The following AKAP13 variants were observed in gnomAD, a reference collection of about 807,000 sequenced individuals.
AKAP13 encodes the protein A-kinase anchor protein 13.
In AKAP13, 80 loss-of-function variants were observed where a neutral mutation model predicts 264.5. The observed-to-expected ratio is 0.30, with a 90% confidence interval of 0.25 to 0.36. The LOEUF (loss-of-function observed/expected upper bound fraction) is 0.36. AKAP13 is among the 10% of genes least tolerant of loss of function. AKAP13 has a pLI of 1.00. For missense variants in AKAP13, 3,712 were observed against 3,435.2 expected, an observed-to-expected ratio of 1.08 and a Z score of -2.01; for synonymous variants, 1,380 against 1,250.2, an observed-to-expected ratio of 1.10 and a Z score of -2.19.
chr15:85,697,035 C>T (rs972587167), intron 17 of AKAP13, among the ~76,000 whole-genome samples: 1 of 152,144 alleles, frequency 6.6e-6, no homozygotes, highest in African/African-American at 2.4e-5. Flanking sequence ...GGCTAAGAAA[C>T]TTTCACAAGA....
intron 8 of AKAP13, among the ~76,000 whole-genome samples, chr15:85,632,684 G>T (rs1170145418): frequency 6.6e-6 from 1 of 152,104 alleles, no homozygotes; most frequent in Non-Finnish European, 1.5e-5. Context: ...AGTAGTATGT[G>T]TTTATTGTAT....
rs566674329 is a variant in AKAP13 at position 85,506,113 on chromosome 15, A to G, written c.34-15315A>G. Among the ~76,000 whole-genome samples, 7 of 152,298 alleles carry G rather than the reference A, an allele frequency of 4.6e-5. No individual in the cohort carries two copies. The East Asian group carries it at 7.7e-4, about 17-fold the overall frequency. ...GGAGTTCAAGACCAGTCTGGCCAAC[A>G]TGGTGAAACTCCGTCTCTACTAATA... is the stretch of plus-strand genomic sequence containing the variant. On this transcript the variant is annotated intron_variant, in intron 2 of 36. Transcript: ENST00000394518.
intron 8 of AKAP13, among the ~76,000 whole-genome samples, chr15:85,627,887 T>C (rs140716843): frequency 5.9e-5 from 9 of 152,338 alleles, no homozygotes; most frequent in African/African-American, 2.2e-4. Flanking sequence ...TTTTTTCGTA[T>C]AGCTAGAATT....
intron 1 of AKAP13, among the ~76,000 whole-genome samples, chr15:85,461,686 T>A (rs905611958): frequency 6.6e-6 from 1 of 152,124 alleles, no homozygotes; most frequent in African/African-American, 2.4e-5. Flanking sequence ...TTTCTGCTCC[T>A]ATTTTCTTTA....
intron 5 of AKAP13, among the ~76,000 whole-genome samples, chr15:85,558,926 C>A (rs967631851): frequency 6.6e-6 from 1 of 151,938 alleles, no homozygotes; most frequent in Non-Finnish European, 1.5e-5. Context: ...GTACTCCTCC[C>A]TTCCCTTTCC....
intron 1 of AKAP13, among the ~76,000 whole-genome samples, chr15:85,383,618 G>T (rs2070402799): frequency 1.3e-5 from 2 of 152,232 alleles, no homozygotes; most frequent in Non-Finnish European, 2.9e-5. Context: ...AAAGGTGCCA[G>T]ATGAACTGAA....
At chr15:85,449,506 G>C (rs985217352) in intron 1 of AKAP13, among the ~76,000 whole-genome samples, 1 of 152,062 alleles carries the variant, frequency 6.6e-6, no homozygotes, top group African/African-American at 2.4e-5. Flanking sequence ...GTCTTGTACC[G>C]GTTTTCAAGG....
intron 2 of AKAP13, among the ~76,000 whole-genome samples, chr15:85,495,290 A>G (rs1380793769): frequency 6.6e-6 from 1 of 152,032 alleles, no homozygotes; most frequent in Non-Finnish European, 1.5e-5. Context: ...CTGGTTTCCA[A>G]CATGTTTCGG....
chr15:85,745,000 T>C lies in AKAP13; in HGVS notation c.*323T>C, dbSNP rs1416807449. 4.0e-6 allele frequency: 1 copy of C among 247,192 alleles called. No individual in the cohort carries two copies. Among genetic ancestry groups the C allele is most frequent in the Non-Finnish European group, 7.8e-6 (1 of 128,096 alleles). 15.3% of individuals were successfully genotyped at this position (247,192 alleles called of 1,614,324 possible). On this transcript the variant is annotated 3_prime_UTR_variant, in exon 37 of 37. Transcript: ENST00000394518. ...GGACACGTCAGGAATTCCTAAAGGC[T>C]GAAAGAGTGTATCCAAGTAAGGTCT... is the stretch of plus-strand genomic sequence containing the variant.
intron 19 of AKAP13, among the ~76,000 whole-genome samples, chr15:85,710,983 A>G (rs1675223274): frequency 6.6e-6 from 1 of 151,572 alleles, no homozygotes; most frequent in Non-Finnish European, 1.5e-5. Context: ...ACAATCATAC[A>G]AATCAAATGA....
chr15:85,524,419 C>T (rs2076944878), intron 3 of AKAP13, among the ~76,000 whole-genome samples: 1 of 151,958 alleles, frequency 6.6e-6, no homozygotes, highest in East Asian at 1.9e-4. Context: ...CGTGATCTGC[C>T]CACCTCGGCC....
chr15:85,569,800 G>A (rs1306323540), intron 5 of AKAP13, among the ~76,000 whole-genome samples: 2 of 152,110 alleles, frequency 1.3e-5, no homozygotes, highest in African/African-American at 4.8e-5. Context: ...CCACTGGGCC[G>A]GGTGTGGTGG....
intron 1 of AKAP13, among the ~76,000 whole-genome samples, chr15:85,483,056 G>A (rs1469763889): frequency 1.3e-5 from 2 of 152,144 alleles, no homozygotes; most frequent in Non-Finnish European, 2.9e-5. Flanking sequence ...TTATAATTCC[G>A]AACAGTTCAG....
At chr15:85,529,327 A>G (rs2077178280) in intron 3 of AKAP13, among the ~76,000 whole-genome samples, 1 of 152,258 alleles carries the variant, frequency 6.6e-6, no homozygotes, top group Admixed American at 6.5e-5. Context: ...AGGCTGAGGC[A>G]GAAGAATGGT....
At chr15:85,519,340 C>G (rs566440989) in intron 2 of AKAP13, among the ~76,000 whole-genome samples, 2 of 152,232 alleles carry the variant, frequency 1.3e-5, no homozygotes, top group Admixed American at 1.3e-4. Context: ...CCACACCCGC[C>G]CCCACAAAAT....
intron 8 of AKAP13, among the ~76,000 whole-genome samples, chr15:85,589,710 G>GGA (rs367761273): frequency 5.0e-5 from 5 of 99,896 alleles, no homozygotes; most frequent in South Asian, 3.4e-4. Context: ...ACTCTGTCTT[G>GGA]AAAAAAAAAA....
chr15:85,525,383 G>A (rs1410342660), intron 3 of AKAP13, among the ~76,000 whole-genome samples: 1 of 152,086 alleles, frequency 6.6e-6, no homozygotes, highest in South Asian at 2.1e-4. Context: ...TTTACAGTGA[G>A]CATGTTATTT....
intron 1 of AKAP13, among the ~76,000 whole-genome samples, chr15:85,434,077 C>T (rs1009688394): frequency 3.7e-5 from 3 of 81,596 alleles, no homozygotes; most frequent in East Asian, 4.9e-4. Flanking sequence ...GTTTATCTCA[C>T]TAGGGAGTGC....
intron 10 of AKAP13, among the ~76,000 whole-genome samples, chr15:85,649,205 A>C (rs1385394841): frequency 6.6e-6 from 1 of 152,232 alleles, no homozygotes; most frequent in African/African-American, 2.4e-5. Context: ...TCTTGAGGAA[A>C]TAGAGGCACT....
Sources: gnomAD v4.1 joint callset for allele counts (sites outside exome capture counted in the v4.1 genomes callset) on GRCh38, gnomAD v4.1.1 for gene constraint, MANE v1.5 for transcripts, NCBI Gene and HGNC (gene_info 2026-07-23, HGNC 2026-07-21) for gene names.